Variants in BCL2L11 observed in about 807,000 individuals in gnomAD.
BCL2L11 encodes the protein BCL2 like 11.
In BCL2L11, 15 loss-of-function variants were observed where a neutral mutation model predicts 20.6. That is an observed-to-expected ratio of 0.73 (90% CI 0.49 to 1.12). BCL2L11 has a LOEUF of 1.12. Ranked by LOEUF, BCL2L11 falls within the 50% of genes most tolerant of loss-of-function variation. The pLI, the probability that BCL2L11 is intolerant of heterozygous loss-of-function variation, is 0.00. For synonymous variants in BCL2L11, 108 were observed against 92.8 expected (o/e 1.16, Z -0.94); for missense variants, 292 against 260.9 (o/e 1.12, Z -0.82).
rs181605849 is a variant in BCL2L11 at position 111,139,850 on chromosome 2, G to A, written c.395-10194G>A. Among the ~76,000 whole-genome samples, 23 of 152,340 alleles carry A rather than the reference G, an allele frequency of 1.5e-4. No individual in the cohort carries two copies. In the East Asian group the frequency reaches 1.9e-3, roughly 13 times the overall value. On this transcript the variant is annotated intron_variant, in intron 2 of 3. Transcript: ENST00000393256. The stretch of plus-strand genomic sequence containing the variant: ...GCCTTGGACCAGATCCACATGATTC[G>A]TGAGTAGAGTTGCCAAGACAGGTGT...
At chr2:111,128,972 C>T (rs1574935577) in intron 2 of BCL2L11, 2 of 611,022 alleles carry the variant, frequency 3.3e-6, no homozygotes, top group Non-Finnish European at 5.1e-6. Flanking sequence ...TGCAGTGCTG[C>T]TCTAGCAAGC....
At chr2:111,154,050 T>A in intron 3 of BCL2L11, 1 of 946,312 alleles carries the variant, frequency 1.1e-6, no homozygotes, top group Non-Finnish European at 1.4e-6. Flanking sequence ...CATTTGGAAA[T>A]AATTTCAGAC....
chr2:111,147,527 G>GC (rs1372413686), intron 2 of BCL2L11, among the ~76,000 whole-genome samples: 1 of 152,204 alleles, frequency 6.6e-6, no homozygotes. Flanking sequence ...GCCAAAGCCA[G>GC]CAGGGCATTT....
chr2:111,154,006 G>A (rs1171132506), intron 3 of BCL2L11: 21 of 1,255,668 alleles, frequency 1.7e-5, no homozygotes, highest in East Asian at 9.0e-5. Flanking sequence ...CTATTCAGTC[G>A]GAGTTTTACT....
intron 2 of BCL2L11, among the ~76,000 whole-genome samples, chr2:111,149,131 T>C (rs1388865314): frequency 1.3e-5 from 2 of 152,232 alleles, no homozygotes; most frequent in South Asian, 2.1e-4. Flanking sequence ...GTTACTGAAC[T>C]GTTCACCTCT....
chr2:111,161,583 G>C, intron 3 of BCL2L11: 17 of 1,517,336 alleles, frequency 1.1e-5, no homozygotes, highest in Non-Finnish European at 1.5e-5. Flanking sequence ...TGTTAGATGC[G>C]AGGAACCACT....
chr2:111,153,237 G>A (rs966637422), intron 3 of BCL2L11, among the ~76,000 whole-genome samples: 10 of 152,092 alleles, frequency 6.6e-5, no homozygotes, highest in Non-Finnish European at 1.3e-4. Flanking sequence ...AAATTAGCTG[G>A]GTGTGGTGGT....
Position 111,144,089 on chromosome 2 carries a change from G to A in BCL2L11, c.395-5955G>A, listed in dbSNP as rs201934059. On this transcript the variant is annotated intron_variant, in intron 2 of 3. Coordinates refer to ENST00000393256, the MANE Select transcript of BCL2L11 (RefSeq NM_138621.5). ...GCAATGGGCAGTGCACGTTGAAAGAGTAAGTATGAAAACACTGGCCTCATC... is the reference window on the plus strand; with the variant it reads ...GCAATGGGCAGTGCACGTTGAAAGAATAAGTATGAAAACACTGGCCTCATC... Among the ~76,000 whole-genome samples the A allele has an allele frequency of 7.9e-5, 12 of 152,324 alleles. No homozygotes were observed. In the East Asian group the frequency reaches 2.3e-3, roughly 29 times the overall value.
At chr2:111,127,423 T>C (rs902894932) in intron 2 of BCL2L11, among the ~76,000 whole-genome samples, 27 of 150,642 alleles carry the variant, frequency 1.8e-4, no homozygotes, top group Non-Finnish European at 3.1e-4. Context: ...GGCTTTCTTT[T>C]TTTTTTTTTT....
intron 1 of BCL2L11, chr2:111,122,691 A>C: frequency 1.0e-6 from 1 of 982,342 alleles, no homozygotes; most frequent in Non-Finnish European, 1.2e-6. Context: ...AGCGCGGGCC[A>C]GAGGCGCGGC....
rs987215392 is a variant in BCL2L11, at chr2:111,128,301, C to T, written c.394+4162C>T. The stretch of plus-strand genomic sequence containing the variant: ...TTCCTTTTTAAGGCTGAAGGTTGTT[C>T]CAGTGTGTGTATATCACATACTTCA... On this transcript the variant is annotated intron_variant, in intron 2 of 3. Coordinates refer to ENST00000393256, the MANE Select transcript of BCL2L11 (RefSeq NM_138621.5). Among the ~76,000 whole-genome samples, 9 of 152,070 alleles carry T rather than the reference C, an allele frequency of 5.9e-5. 1 individual carries two copies. In the East Asian group the frequency reaches 1.8e-3, roughly 30 times the overall value.
intron 3 of BCL2L11, among the ~76,000 whole-genome samples, chr2:111,161,881 A>G (rs2078598642): frequency 6.6e-6 from 1 of 152,214 alleles, no homozygotes; most frequent in Non-Finnish European, 1.5e-5. Flanking sequence ...GCCGTTCCTC[A>G]GTATCTAGAT....
chr2:111,127,438 T>C (rs1030230919), intron 2 of BCL2L11, among the ~76,000 whole-genome samples: 22 of 150,576 alleles, frequency 1.5e-4, no homozygotes, highest in South Asian at 8.4e-4. Flanking sequence ...TTTTTTTTTT[T>C]CCTCAGCGTC....
At chr2:111,129,150 T>C (rs1282056089) in intron 2 of BCL2L11, among the ~76,000 whole-genome samples, 1 of 152,258 alleles carries the variant, frequency 6.6e-6, no homozygotes, top group Non-Finnish European at 1.5e-5. Flanking sequence ...CAGTTTTGTT[T>C]TACCTCTTTA....
chr2:111,158,216 G>A (rs1024099315), intron 3 of BCL2L11, among the ~76,000 whole-genome samples: 3 of 152,190 alleles, frequency 2.0e-5, no homozygotes, highest in Non-Finnish European at 4.4e-5. Flanking sequence ...TCTGACTTCT[G>A]TGTCACTTAG....
At chr2:111,122,796 G>A (rs566605997) in intron 1 of BCL2L11, 100 of 985,294 alleles carry the variant, frequency 1.0e-4, no homozygotes, top group Middle Eastern at 5.2e-4. Flanking sequence ...CCCGAGTCCC[G>A]GGCTTTGTCT....
At chr2:111,150,910 G>A (rs1447555074) in intron 3 of BCL2L11, among the ~76,000 whole-genome samples, 1 of 151,454 alleles carries the variant, frequency 6.6e-6, no homozygotes, top group African/African-American at 2.4e-5. Flanking sequence ...TTGTTTGTGT[G>A]TGTGTTTGTT....
chr2:111,121,019 G>A lies in BCL2L11; in HGVS notation c.-183G>A, dbSNP rs1412341604. On this transcript the variant is annotated 5_prime_UTR_variant, in exon 1 of 4. Transcript: ENST00000393256. ...CGCCGCCGCCGCCGCCGCCGCCGCCGCCACTACCACCACTTGATTCTTGCA... is the reference window on the plus strand; with the variant it reads ...CGCCGCCGCCGCCGCCGCCGCCGCCACCACTACCACCACTTGATTCTTGCA... The A allele has an allele frequency of 2.5e-5, 9 of 353,770 alleles. 1 individual carries two copies. Among genetic ancestry groups the A allele is most frequent in the South Asian group, 8.4e-5 (2 of 23,938 alleles). The allele number at this position is 353,770 out of a possible 1,614,324, so 21.9% of individuals were successfully genotyped here.
intron 2 of BCL2L11, among the ~76,000 whole-genome samples, chr2:111,141,532 G>T (rs2075816350): frequency 9.4e-6 from 1 of 106,182 alleles, no homozygotes; most frequent in Admixed American, 1.2e-4. Context: ...GGGGAGGGGG[G>T]AGGGAGAGCA....
Sources: gnomAD v4.1 joint callset for allele counts (sites outside exome capture counted in the v4.1 genomes callset) on GRCh38, gnomAD v4.1.1 for gene constraint, MANE v1.5 for transcripts, NCBI Gene and HGNC (gene_info 2026-07-23, HGNC 2026-07-21) for gene names.